Variants in ABL1 observed in about 807,000 individuals in gnomAD.
The protein encoded by ABL1 is tyrosine-protein kinase ABL1.
Under a neutral mutation model 94.7 loss-of-function variants are expected in ABL1, and 11 were observed. The observed-to-expected ratio is 0.12, with a 90% CI of 0.07 to 0.19. The LOEUF (loss-of-function observed/expected upper bound fraction) is 0.19. Ranked by LOEUF, ABL1 falls within the 10% of genes least tolerant of loss-of-function variation. The pLI is 1.00. For synonymous variants in ABL1, 656 were observed against 622.4 expected (o/e 1.05, Z -0.80); for missense variants, 1,082 against 1,489.4 (o/e 0.73, Z 4.50).
At chr9:130,713,221 G>A (rs1831393104) in exon 1 of ABL1, among the ~76,000 whole-genome samples, 1 of 152,076 alleles carries the variant, frequency 6.6e-6, no homozygotes, top group South Asian at 2.1e-4. Flanking sequence ...CGGTGGTGGT[G>A]TCAGCGTCCG....
chr9:130,729,199 G>A (rs1458570608), intron 1 of ABL1, among the ~76,000 whole-genome samples: 1 of 152,158 alleles, frequency 6.6e-6, no homozygotes, highest in Non-Finnish European at 1.5e-5. Context: ...GCTCAGCAAA[G>A]TCTCTCCACC....
intron 1 of ABL1, among the ~76,000 whole-genome samples, chr9:130,803,173 G>A (rs919015666): frequency 1.3e-5 from 2 of 152,104 alleles, no homozygotes; most frequent in African/African-American, 4.8e-5. Flanking sequence ...CTGAGTAGCT[G>A]GGATTACAGG....
chr9:130,791,946 T>C (rs942461147), intron 1 of ABL1, among the ~76,000 whole-genome samples: 1 of 152,024 alleles, frequency 6.6e-6, no homozygotes, highest in African/African-American at 2.4e-5. Flanking sequence ...ATACCATCAC[T>C]AAAGAACATC....
At position 130,799,712 on chromosome 9, in the gene ABL1, T is replaced by A. The variant is rs577992966; in HGVS notation, c.137-54352T>A. ...CATGATGATAAAGTGTGTAACTTATTTTATAAGTACCATATAATTGAAATT... is the reference window on the plus strand; with the variant it reads ...CATGATGATAAAGTGTGTAACTTATATTATAAGTACCATATAATTGAAATT... On this transcript the variant is annotated intron_variant, in intron 1 of 10. Coordinates refer to the ABL1 transcript ENST00000372348. 5.3e-5 allele frequency among the ~76,000 whole-genome samples: 8 copies of A among 152,292 alleles called. No individual in the cohort carries two copies. The South Asian group carries it at 1.7e-3, about 32-fold the overall frequency.
At chr9:130,873,510 CTT>C (rs1022710972) in intron 6 of ABL1, among the ~76,000 whole-genome samples, 1 of 152,138 alleles carries the variant, frequency 6.6e-6, no homozygotes, top group Non-Finnish European at 1.5e-5. Flanking sequence ...GTGTGTGTGT[CTT>C]TTTTTCCTGC....
At position 130,840,847 on chromosome 9, in the gene ABL1, A is replaced by G. The variant is rs148961611; in HGVS notation, c.79+5322A>G. Among the ~76,000 whole-genome samples the G allele has an allele frequency of 4.7e-3, 718 of 152,200 alleles. 5 individuals are homozygous for G. The highest frequency in any genetic ancestry group is 0.017 in the African/African-American group (689 of 41,536). On this transcript the variant is annotated intron_variant, in intron 1 of 10. Transcript: ENST00000318560. ...AACTGTCTCAAAAGTAGACAGCATA[A>G]TGAACTCCCATGTACTTATGATGTG...
intron 1 of ABL1, among the ~76,000 whole-genome samples, chr9:130,787,274 CCTGGA>C (rs1829841137): frequency 6.6e-6 from 1 of 152,082 alleles, no homozygotes; most frequent in Non-Finnish European, 1.5e-5. Context: ...GTACTGTGTG[CCTGGA>C]CTTCAGGATA....
rs533572972 is a variant in ABL1 at position 130,860,237 on chromosome 9, G to A, written c.550-2526G>A. Among the ~76,000 whole-genome samples the A allele has an allele frequency of 2.5e-4, 38 of 152,336 alleles. No individual in the cohort carries two copies. The East Asian group carries it at 4.6e-3, about 19-fold the overall frequency. On this transcript the variant is annotated intron_variant, in intron 3 of 10. Coordinates refer to ENST00000318560, the MANE Select transcript of ABL1 (RefSeq NM_005157.6). ...CCAGCCTTGACTGTTAGTGGGACAC[G>A]GGGAAGATGGCTGTGAACCAAATAT...
intron 8 of ABL1, among the ~76,000 whole-genome samples, chr9:130,879,239 A>G (rs1018333736): frequency 3.9e-5 from 6 of 152,228 alleles, no homozygotes; most frequent in African/African-American, 1.4e-4. Context: ...TACTATGCAC[A>G]CACAGGATGT....
At chr9:130,796,618 C>T (rs9328547) in intron 1 of ABL1, among the ~76,000 whole-genome samples, 34,595 of 151,848 alleles carry the variant, frequency 0.23, 4,908 homozygotes, top group African/African-American at 0.41. Context: ...AAAAAAGACT[C>T]TTTCAAAGCT....
At chr9:130,725,998 A>G (rs1047529212) in intron 1 of ABL1, among the ~76,000 whole-genome samples, 6 of 149,968 alleles carry the variant, frequency 4.0e-5, no homozygotes, top group Admixed American at 3.3e-4. Flanking sequence ...ACAGGTGTGC[A>G]CTACCACACC....
intron 1 of ABL1, among the ~76,000 whole-genome samples, chr9:130,721,588 T>G (rs1286288702): frequency 6.6e-6 from 1 of 151,978 alleles, no homozygotes; most frequent in Non-Finnish European, 1.5e-5. Context: ...TACACGCCTG[T>G]AATCCCAGCT....
intron 1 of ABL1, among the ~76,000 whole-genome samples, chr9:130,772,960 A>G (rs1448918964): frequency 6.6e-6 from 1 of 152,238 alleles, no homozygotes; most frequent in Non-Finnish European, 1.5e-5. Flanking sequence ...CTAAAATATA[A>G]TAAACATCTT....
intron 1 of ABL1, among the ~76,000 whole-genome samples, chr9:130,852,589 A>C (rs1221688347): frequency 1.3e-5 from 2 of 152,164 alleles, no homozygotes; most frequent in Non-Finnish European, 2.9e-5. Context: ...TGTAAGATCT[A>C]CTTGAGGTTA....
At chr9:130,820,966 G>T (rs1217833165) in intron 1 of ABL1, among the ~76,000 whole-genome samples, 1 of 151,588 alleles carries the variant, frequency 6.6e-6, no homozygotes, top group Admixed American at 6.6e-5. Context: ...GTCTCACTCT[G>T]TCACTCAAGC....
intron 1 of ABL1, among the ~76,000 whole-genome samples, chr9:130,781,271 G>A (rs1320011000): frequency 6.6e-6 from 1 of 152,114 alleles, no homozygotes; most frequent in Non-Finnish European, 1.5e-5. Context: ...TTCCCATTTA[G>A]CCTTTTGAAA....
At chr9:130,720,141 A>G (rs1003151895) in intron 1 of ABL1, among the ~76,000 whole-genome samples, 2 of 152,214 alleles carry the variant, frequency 1.3e-5, no homozygotes, top group African/African-American at 4.8e-5. Flanking sequence ...GTAGTCACTG[A>G]TGATATATTT....
At chr9:130,723,439 G>A (rs1161805429) in intron 1 of ABL1, among the ~76,000 whole-genome samples, 1 of 152,154 alleles carries the variant, frequency 6.6e-6, no homozygotes, top group Non-Finnish European at 1.5e-5. Flanking sequence ...TAGCTACTTG[G>A]GAGGCTGAGG....
intron 1 of ABL1, among the ~76,000 whole-genome samples, chr9:130,849,666 C>T (rs369036773): frequency 1.3e-5 from 2 of 152,042 alleles, no homozygotes; most frequent in South Asian, 2.1e-4. Flanking sequence ...TACAGGCATG[C>T]GCCACCATGC....
Sources: allele counts gnomAD v4.1 joint callset (sites outside exome capture counted in the v4.1 genomes callset), GRCh38; gene constraint gnomAD v4.1.1; transcripts MANE v1.5; gene names NCBI Gene and HGNC (gene_info 2026-07-23, HGNC 2026-07-21).